PACRG: variants seen among roughly 807,000 people sequenced by gnomAD.
PACRG encodes the protein parkin coregulated gene protein.
PACRG carries 29 observed loss-of-function variants against 29.7 expected under a neutral mutation model. The observed-to-expected ratio is 0.98, with a 90% confidence interval of 0.73 to 1.33. PACRG has a LOEUF of 1.33. Ranked by LOEUF, PACRG falls within the 40% of genes most tolerant of loss-of-function variation. PACRG has a pLI of 0.00. For synonymous variants in PACRG, 116 were observed against 118.7 expected, an observed-to-expected ratio of 0.98 and a Z score of 0.15; for missense variants, 279 against 316.2, an observed-to-expected ratio of 0.88 and a Z score of 0.89.
chr6:163,161,883 A>C (rs1014805225), intron 4 of PACRG, among the ~76,000 whole-genome samples: 12 of 152,218 alleles, frequency 7.9e-5, no homozygotes, highest in Admixed American at 5.2e-4. Context: ...AAGGGATTGA[A>C]ATTGTAGGCA....
At chr6:163,053,408 G>C (rs1227985971) in intron 2 of PACRG, among the ~76,000 whole-genome samples, 2 of 151,940 alleles carry the variant, frequency 1.3e-5, no homozygotes, top group East Asian at 3.9e-4. Flanking sequence ...TTATTTATAT[G>C]GACAGATTTT....
intron 2 of PACRG, among the ~76,000 whole-genome samples, chr6:162,956,524 C>T (rs531883630): frequency 3.0e-4 from 46 of 152,318 alleles, no homozygotes; most frequent in African/African-American, 1.0e-3. Flanking sequence ...TTGGCTGTCT[C>T]AAAGCTCTGG....
intron 1 of PACRG, among the ~76,000 whole-genome samples, chr6:162,806,113 C>CTTT (rs553734264): frequency 6.9e-6 from 1 of 143,960 alleles, no homozygotes; most frequent in African/African-American, 2.5e-5. Flanking sequence ...TCTTTCTTTC[C>CTTT]TTTTTTTTTT....
intron 4 of PACRG, among the ~76,000 whole-genome samples, chr6:163,209,734 G>A (rs542784559): frequency 6.6e-6 from 1 of 152,166 alleles, no homozygotes; most frequent in South Asian, 2.1e-4. Context: ...TTGATGTAAA[G>A]CATGTGACAC....
At chr6:163,004,378 A>T (rs1369997787) in intron 2 of PACRG, among the ~76,000 whole-genome samples, 1 of 151,988 alleles carries the variant, frequency 6.6e-6, no homozygotes, top group Non-Finnish European at 1.5e-5. Context: ...ATTGACTCAT[A>T]GTTCAACATG....
intron 4 of PACRG, among the ~76,000 whole-genome samples, chr6:163,260,197 C>T (rs1783268919): frequency 6.6e-6 from 1 of 152,250 alleles, no homozygotes; most frequent in African/African-American, 2.4e-5. Flanking sequence ...CCGTCTGGGC[C>T]ACCAGCCAGC....
At chr6:162,900,445 A>G (rs1011080941) in intron 2 of PACRG, among the ~76,000 whole-genome samples, 1 of 152,178 alleles carries the variant, frequency 6.6e-6, no homozygotes, top group African/African-American at 2.4e-5. Flanking sequence ...TTACGTTTCA[A>G]TGAGAATGTA....
Position 163,095,396 on chromosome 6 carries a change from G to C in PACRG, c.613+5988G>C, listed in dbSNP as rs558727630. ...TCTGAGTTGTCTGTAACCTGGTAGG[G>C]CGATGTCTAAAGAAATCAGAATCCA... On this transcript the variant is annotated intron_variant, in intron 4 of 4. Coordinates refer to ENST00000366888, the MANE Select transcript of PACRG (RefSeq NM_001080379.2). 3.7e-5 allele frequency: 36 copies of C among 985,458 alleles called. No individual in the cohort carries two copies. The South Asian group carries it at 1.4e-3, about 39-fold the overall frequency. The allele number at this position is 985,458 out of a possible 1,614,324, so 61.0% of individuals were successfully genotyped here. A position where few individuals can be genotyped will look rare whatever the true frequency, so the allele number is the denominator to read the frequency against.
At chr6:163,154,291 C>T (rs1449106048) in intron 4 of PACRG, among the ~76,000 whole-genome samples, 1 of 152,208 alleles carries the variant, frequency 6.6e-6, no homozygotes, top group Non-Finnish European at 1.5e-5. Flanking sequence ...TGTGATCCTT[C>T]ATTGGCCAGT....
chr6:163,207,237 T>TCC (rs1391061088), intron 4 of PACRG, among the ~76,000 whole-genome samples: 1 of 152,204 alleles, frequency 6.6e-6, no homozygotes, highest in Non-Finnish European at 1.5e-5. Context: ...AGTGATCTGT[T>TCC]CCCTCATTGT....
intron 2 of PACRG, among the ~76,000 whole-genome samples, chr6:162,893,900 T>C (rs1484541727): frequency 6.6e-6 from 1 of 152,128 alleles, no homozygotes; most frequent in Non-Finnish European, 1.5e-5. Context: ...TTGTCAGGGA[T>C]GGTAGCATTG....
intron 1 of PACRG, among the ~76,000 whole-genome samples, chr6:162,795,239 G>T (rs569530600): frequency 6.6e-6 from 1 of 151,754 alleles, no homozygotes; most frequent in African/African-American, 2.4e-5. Context: ...AGAGGGGTGG[G>T]GGGCAGAGTA....
intron 1 of PACRG, among the ~76,000 whole-genome samples, chr6:162,730,188 A>C (rs1225424859): frequency 6.6e-6 from 1 of 152,154 alleles, no homozygotes; most frequent in Non-Finnish European, 1.5e-5. Context: ...AATCTTGATA[A>C]AAGAAGGCTG....
At chr6:162,973,531 A>G (rs1801699784) in intron 2 of PACRG, among the ~76,000 whole-genome samples, 3 of 152,128 alleles carry the variant, frequency 2.0e-5, no homozygotes, top group South Asian at 4.1e-4. Context: ...CAAGCAAGGC[A>G]ATTCTTTTAC....
At chr6:162,872,950 A>G (rs1303220850) in intron 2 of PACRG, among the ~76,000 whole-genome samples, 1 of 152,182 alleles carries the variant, frequency 6.6e-6, no homozygotes, top group Non-Finnish European at 1.5e-5. Flanking sequence ...TAGGTATCAG[A>G]ATCTCAATTT....
At chr6:162,947,573 CAT>C (rs1209027610) in intron 2 of PACRG, among the ~76,000 whole-genome samples, 4 of 57,424 alleles carry the variant, frequency 7.0e-5, no homozygotes, top group African/African-American at 2.0e-4. Flanking sequence ...TATATATACT[CAT>C]ATATAATCAT....
intron 4 of PACRG, among the ~76,000 whole-genome samples, chr6:163,204,866 CAA>C (rs1780840066): frequency 6.6e-6 from 1 of 152,198 alleles, no homozygotes; most frequent in South Asian, 2.1e-4. Flanking sequence ...GCAACTTTAG[CAA>C]AGTTTCAGGA....
chr6:162,905,467 G>A (rs1208503703), intron 2 of PACRG, among the ~76,000 whole-genome samples: 1 of 152,184 alleles, frequency 6.6e-6, no homozygotes, highest in Non-Finnish European at 1.5e-5. Flanking sequence ...CACTAAGTGG[G>A]AGCTGGAAAG....
chr6:163,115,959 C>T (rs1355188844), intron 4 of PACRG, among the ~76,000 whole-genome samples: 1 of 152,222 alleles, frequency 6.6e-6, no homozygotes, highest in Non-Finnish European at 1.5e-5. Context: ...CTATTCATGC[C>T]TATGGGCATT....
Sources: gnomAD v4.1 joint callset for allele counts (sites outside exome capture counted in the v4.1 genomes callset) on GRCh38, gnomAD v4.1.1 for gene constraint, MANE v1.5 for transcripts, NCBI Gene and HGNC (gene_info 2026-07-23, HGNC 2026-07-21) for gene names.